Variants in PDE1C observed in about 807,000 individuals in gnomAD.
PDE1C encodes dual specificity calcium/calmodulin-dependent 3',5'-cyclic nucleotide phosphodiesterase 1C.
In PDE1C, 62 loss-of-function variants were observed where a neutral mutation model predicts 93.1. The ratio of observed to expected loss-of-function variants is 0.67; its 90% CI spans 0.54 to 0.82. PDE1C has a LOEUF of 0.82. Among genes scored for constraint, PDE1C ranks in the 40% least tolerant of loss-of-function variants. The probability of loss-of-function intolerance (pLI) is 0.00; values close to 1 mark genes in which losing one functional copy is unlikely to be tolerated. For synonymous variants in PDE1C, 325 were observed against 310.1 expected (o/e 1.05, Z -0.50); for missense variants, 742 against 884.6 (o/e 0.84, Z 2.04).
chr7:32,417,444 C>T (rs532728257), intron 1 of PDE1C, among the ~76,000 whole-genome samples: 2 of 152,032 alleles, frequency 1.3e-5, no homozygotes, highest in Non-Finnish European at 1.5e-5. Context: ...TGCATTAAAC[C>T]CTTAAACTCA....
intron 1 of PDE1C, among the ~76,000 whole-genome samples, chr7:32,418,523 T>TA (rs1226876248): frequency 1.3e-5 from 2 of 152,108 alleles, no homozygotes; most frequent in Admixed American, 6.6e-5. Context: ...TTTCAATCAT[T>TA]AAAAAAAGTC....
intron 2 of PDE1C, among the ~76,000 whole-genome samples, chr7:32,000,336 G>C (rs766934295): frequency 1.1e-4 from 16 of 152,192 alleles, no homozygotes; most frequent in Non-Finnish European, 5.9e-5. Flanking sequence ...CTCAAGACAA[G>C]TAGGCTCCTA....
intron 1 of PDE1C, among the ~76,000 whole-genome samples, chr7:32,241,526 AG>A (rs1357887774): frequency 6.6e-6 from 1 of 152,182 alleles, no homozygotes; most frequent in East Asian, 1.9e-4. Flanking sequence ...TGTAGACTGA[AG>A]AGAGAAAACT....
chr7:31,885,487 T>C (rs1797754953), intron 2 of PDE1C, among the ~76,000 whole-genome samples: 2 of 152,212 alleles, frequency 1.3e-5, no homozygotes, highest in Admixed American at 1.3e-4. Flanking sequence ...GCTTTCTGTA[T>C]GCTTCTTACC....
intron 1 of PDE1C, among the ~76,000 whole-genome samples, chr7:32,241,602 G>T (rs1238609950): frequency 1.3e-5 from 2 of 152,126 alleles, no homozygotes; most frequent in Admixed American, 1.3e-4. Context: ...AAGAAATGGG[G>T]CAATCACTAG....
intron 16 of PDE1C, among the ~76,000 whole-genome samples, chr7:31,781,773 CT>C (rs961550878): frequency 3.4e-5 from 5 of 147,510 alleles, no homozygotes; most frequent in Admixed American, 7.1e-5. Flanking sequence ...GTATTTAATG[CT>C]TTTTTCCTGC....
At chr7:32,143,970 A>G (rs1308176371) in intron 3 of PDE1C, among the ~76,000 whole-genome samples, 1 of 152,174 alleles carries the variant, frequency 6.6e-6, no homozygotes, top group African/African-American at 2.4e-5. Context: ...CACTGGGGAT[A>G]TCTGACCCAG....
intron 3 of PDE1C, among the ~76,000 whole-genome samples, chr7:32,101,970 T>C (rs1226284457): frequency 6.6e-6 from 1 of 151,954 alleles, no homozygotes; most frequent in Non-Finnish European, 1.5e-5. Context: ...AAGAGAGAGA[T>C]ACCAGGCTCC....
the PDE1C span, among the ~76,000 whole-genome samples, chr7:31,644,710 A>G: frequency 0.14 from 21,613 of 152,152 alleles, 1,974 homozygotes; most frequent in Non-Finnish European, 0.19. Flanking sequence ...CCTTTTTAGT[A>G]AGTTTTTAAG....
chr7:32,131,566 C>T (rs974206334), intron 3 of PDE1C, among the ~76,000 whole-genome samples: 2 of 152,066 alleles, frequency 1.3e-5, no homozygotes, highest in Non-Finnish European at 2.9e-5. Flanking sequence ...GTCAATGAGG[C>T]CTATTGGGCC....
At chr7:31,958,478 C>T (rs6462316) in intron 2 of PDE1C, among the ~76,000 whole-genome samples, 142,712 of 152,248 alleles carry the variant, frequency 0.94, 67,325 homozygotes, top group East Asian at 1. Flanking sequence ...TTTTGCAAAG[C>T]TGCCTTTTGC....
chr7:32,400,537 G>A (rs1413258020), intron 1 of PDE1C, among the ~76,000 whole-genome samples: 1 of 152,236 alleles, frequency 6.6e-6, no homozygotes, highest in Non-Finnish European at 1.5e-5. Context: ...CCAGCAGTGA[G>A]GAAACCAGTT....
intron 3 of PDE1C, among the ~76,000 whole-genome samples, chr7:32,091,554 C>G (rs548696051): frequency 2.0e-5 from 3 of 152,040 alleles, no homozygotes; most frequent in African/African-American, 7.2e-5. Context: ...GGGCAACAGC[C>G]GGATCATTAG....
the PDE1C span, among the ~76,000 whole-genome samples, chr7:31,631,616 G>A: frequency 1.3e-5 from 2 of 152,060 alleles, no homozygotes; most frequent in Non-Finnish European, 2.9e-5. Flanking sequence ...TAATGATGAA[G>A]GAAGGTTATT....
At chr7:32,285,682 G>A (rs981991711) in intron 1 of PDE1C, among the ~76,000 whole-genome samples, 5 of 150,320 alleles carry the variant, frequency 3.3e-5, no homozygotes, top group Admixed American at 1.3e-4. Flanking sequence ...AGGAAGGAAG[G>A]GAGAAGAAGA....
chr7:32,022,842 T>C (rs1788869421), intron 2 of PDE1C, among the ~76,000 whole-genome samples: 2 of 152,088 alleles, frequency 1.3e-5, no homozygotes, highest in Admixed American at 1.3e-4. Context: ...TTCACAGTGT[T>C]TGCATGTCAC....
At chr7:31,736,511 C>A in the PDE1C span, among the ~76,000 whole-genome samples, 1 of 152,046 alleles carries the variant, frequency 6.6e-6, no homozygotes, top group South Asian at 2.1e-4. Context: ...AGCCTCCATT[C>A]TTCTCTATCC....
At chr7:31,830,957 T>G (rs1271063905) in intron 11 of PDE1C, among the ~76,000 whole-genome samples, 2 of 152,198 alleles carry the variant, frequency 1.3e-5, no homozygotes, top group Non-Finnish European at 2.9e-5. Context: ...GTTATACATT[T>G]GGGGGTAGCT....
chr7:32,005,306 C>T (rs147508649), intron 2 of PDE1C, among the ~76,000 whole-genome samples: 3,912 of 150,722 alleles, frequency 0.026, 164 homozygotes, highest in African/African-American at 0.092. Flanking sequence ...CCAGTAATCC[C>T]AGCATTTTGG....
Sources: gnomAD v4.1 joint callset for allele counts (sites outside exome capture counted in the v4.1 genomes callset) on GRCh38, gnomAD v4.1.1 for gene constraint, MANE v1.5 for transcripts, NCBI Gene and HGNC (gene_info 2026-07-23, HGNC 2026-07-21) for gene names.